ARCN1: variants seen among roughly 807,000 people sequenced by gnomAD.
The protein encoded by ARCN1 is coatomer subunit delta.
In ARCN1, 5 loss-of-function variants were observed where a neutral mutation model predicts 60.4. That is an observed-to-expected ratio of 0.08 (90% CI 0.04 to 0.17). The LOEUF (loss-of-function observed/expected upper bound fraction) is 0.17. Among genes scored for constraint, ARCN1 ranks in the 10% least tolerant of loss-of-function variants. The probability of loss-of-function intolerance (pLI) is 1.00; values close to 1 mark genes in which losing one functional copy is unlikely to be tolerated. For missense variants in ARCN1, 464 were observed against 626.5 expected (o/e 0.74, Z 2.77); for synonymous variants, 224 against 220.0 (o/e 1.02, Z -0.16).
intron 8 of ARCN1, among the ~76,000 whole-genome samples, chr11:118,597,280 C>T (rs918013502): frequency 6.6e-6 from 1 of 152,186 alleles, no homozygotes; most frequent in Admixed American, 6.5e-5. Flanking sequence ...TTAGAGTTTT[C>T]CCCCACTATT....
intron 1 of ARCN1, among the ~76,000 whole-genome samples, chr11:118,573,467 TCTTC>T: frequency 6.6e-6 from 1 of 152,252 alleles, no homozygotes; most frequent in East Asian, 1.9e-4. Flanking sequence ...CATCACTCAA[TCTTC>T]CTTTATCGCT....
chr11:118,589,917 T>G (rs558101893), intron 5 of ARCN1, among the ~76,000 whole-genome samples: 2 of 152,228 alleles, frequency 1.3e-5, no homozygotes, highest in Non-Finnish European at 2.9e-5. Flanking sequence ...AGTAGCACCT[T>G]TAAAAAAACG....
intron 1 of ARCN1, 72 bp downstream of exon 1, chr11:118,572,622 G>A (rs751403232): frequency 2.6e-6 from 4 of 1,565,736 alleles, no homozygotes; most frequent in Non-Finnish European, 3.5e-6. Flanking sequence ...CGGGCCTGGG[G>A]CAGGGGCCGG....
chr11:118,584,732 T>C, intron 5 of ARCN1, 88 bp downstream of exon 5: 1 of 1,161,540 alleles, frequency 8.6e-7, no homozygotes. Context: ...CTATAAATTC[T>C]TTCTCTGTCT....
chr11:118,581,332 G>A lies in ARCN1; in HGVS notation c.90G>A (p.Glu30=). ...QFVEMTRTRI[E]GLLAAFPKLM... is the part of the protein sequence containing the mutation. The stretch of plus-strand genomic sequence containing the variant: ...TGGAAATGACCCGAACTCGGATTGA[G>A]GGCTTATTAGCAGCTTTTCCAAAGC... The change falls in exon 2 of 10, where the codon GAG becomes GAA. Residue 30 remains glutamate, a synonymous_variant. Transcript: ENST00000264028. 1.2e-6 allele frequency: 2 copies of A among 1,614,194 alleles called. No individual in the cohort carries two copies. The highest frequency in any genetic ancestry group is 1.7e-6 in the Non-Finnish European group (2 of 1,180,034).
At position 118,581,581 on chromosome 11, in the gene ARCN1, A is replaced by G. The variant is rs549252303; in HGVS notation, c.267+72A>G. ...TTATGTGAAACTAGTTTTTCCTCCA[A>G]AGCAGCTGATGCTAACCAGTTTGCA... is the stretch of plus-strand genomic sequence containing the variant. On this transcript the variant is annotated intron_variant, in intron 2 of 9. Transcript: ENST00000264028. The G allele has an allele frequency of 2.5e-5, 38 of 1,506,684 alleles. No individual in the cohort carries two copies. The South Asian group carries it at 4.4e-4, about 17-fold the overall frequency. The allele number at this position is 1,506,684 out of a possible 1,614,324, so 93.3% of individuals were successfully genotyped here. A position where few individuals can be genotyped will look rare whatever the true frequency, so the allele number is the denominator to read the frequency against.
intron 8 of ARCN1, among the ~76,000 whole-genome samples, chr11:118,596,753 G>A (rs558433569): frequency 1.3e-5 from 2 of 152,298 alleles, no homozygotes; most frequent in African/African-American, 4.8e-5. Context: ...TTCTCTCGCA[G>A]ATTAAGGACA....
chr11:118,593,090 GTCT>G (rs1293712992), intron 7 of ARCN1, among the ~76,000 whole-genome samples: 4 of 152,118 alleles, frequency 2.6e-5, no homozygotes, highest in Non-Finnish European at 5.9e-5. Flanking sequence ...TAGAGACAAG[GTCT>G]TCTTCTGTTG....
At chr11:118,575,502 A>G (rs1342694906) in intron 1 of ARCN1, among the ~76,000 whole-genome samples, 12 of 151,980 alleles carry the variant, frequency 7.9e-5, no homozygotes, top group African/African-American at 2.9e-4. Context: ...CTCACTGAGT[A>G]AATTACTTTT....
chr11:118,601,613 G>T lies in ARCN1; in HGVS notation c.*899G>T, dbSNP rs1488625878. ...ACTATTCAGGTGAACTATTTGAGGG[G>T]TATGGGGTCTAGAAGTTAAAAGATA... On this transcript the variant is annotated 3_prime_UTR_variant, in exon 10 of 10. Coordinates refer to ENST00000264028, the MANE Select transcript of ARCN1 (RefSeq NM_001655.5). 1.4e-6 allele frequency: 1 copy of T among 702,870 alleles called. No homozygotes were observed. The highest frequency in any genetic ancestry group is 1.5e-5 in the South Asian group (1 of 67,592). The allele number at this position is 702,870 out of a possible 1,614,324, so 43.5% of individuals were successfully genotyped here. A position where few individuals can be genotyped will look rare whatever the true frequency, so the allele number is the denominator to read the frequency against.
At chr11:118,596,893 T>C (rs1304498767) in intron 8 of ARCN1, among the ~76,000 whole-genome samples, 1 of 152,186 alleles carries the variant, frequency 6.6e-6, no homozygotes, top group African/African-American at 2.4e-5. Context: ...TTCAATAAGT[T>C]TGAAACATTC....
rs1161304214 is a variant in ARCN1, at chr11:118,581,933, G to GACACACACACACACACACACACAC, written c.267+427_267+428insCACACACACACACACACACACACA. 6.1e-5 allele frequency among the ~76,000 whole-genome samples: 8 copies of GACACACACACACACACACACACAC among 132,224 alleles called. No individual in the cohort carries two copies. The South Asian group carries it at 9.4e-4, about 15-fold the overall frequency. 86.7% of individuals were successfully genotyped at this position (132,224 alleles called of 152,430 possible). On this transcript the variant is annotated intron_variant, in intron 2 of 9. Transcript: ENST00000264028. ...TTACTGATCCAGAGACAGACAGACA[G>GACACACACACACACACACACACAC]ACAGACACACACACACACACACACA...
rs1938701892 is a variant in ARCN1, at chr11:118,583,307, C to T, written c.396C>T (p.Thr132=). Residue 132 remains threonine (T), a synonymous_variant, in exon 3 of 10, where the codon ACC becomes ACT. Transcript: ENST00000264028. ...RENVNLAQIR[T]FTEMDSHEEK... ...ATGTTAACTTGGCACAGATCAGAACCTTCACAGAAATGGATTCTCATGAGG... is the reference window on the plus strand; with the variant it reads ...ATGTTAACTTGGCACAGATCAGAACTTTCACAGAAATGGATTCTCATGAGG... 5 of 1,614,022 alleles carry T rather than the reference C, an allele frequency of 3.1e-6. No individual in the cohort carries two copies. The South Asian group carries it at 5.5e-5, about 18-fold the overall frequency.
rs1179195532 is a variant in ARCN1 at position 118,581,929 on chromosome 11, G to GACAC, written c.267+423_267+424insCACA. Among the ~76,000 whole-genome samples, 648 of 132,368 alleles carry GACAC rather than the reference G, an allele frequency of 4.9e-3. 9 individuals carry two copies. Among genetic ancestry groups the GACAC allele is most frequent in the Middle Eastern group, 0.022 (6 of 278 alleles). The allele number at this position is 132,368 out of a possible 152,430, so 86.8% of individuals were successfully genotyped here. ...AGACTTACTGATCCAGAGACAGACA[G>GACAC]ACAGACAGACACACACACACACACA... On this transcript the variant is annotated intron_variant, in intron 2 of 9. Coordinates refer to ENST00000264028, the MANE Select transcript of ARCN1 (RefSeq NM_001655.5).
chr11:118,572,776 C>T (rs574042515), intron 1 of ARCN1: 10 of 489,468 alleles, frequency 2.0e-5, no homozygotes, highest in African/African-American at 4.0e-5. Context: ...GCACCACCCC[C>T]CAACCAGCTG....
chr11:118,591,871 AC>A (rs1347820266), intron 6 of ARCN1, among the ~76,000 whole-genome samples: 2 of 151,390 alleles, frequency 1.3e-5, no homozygotes, highest in Non-Finnish European at 2.9e-5. Flanking sequence ...AGTAGCTGGA[AC>A]TATAGGTGTG....
chr11:118,577,944 C>T (rs1238172650), intron 1 of ARCN1, among the ~76,000 whole-genome samples: 4 of 151,992 alleles, frequency 2.6e-5, no homozygotes, highest in African/African-American at 9.7e-5. Flanking sequence ...TGACTTGAGG[C>T]CAGGAGTTGG....
Position 118,601,555 on chromosome 11 carries a change from A to G in ARCN1, c.*841A>G. On this transcript the variant is annotated 3_prime_UTR_variant, in exon 10 of 10. Transcript: ENST00000264028. ...CATTATATTTATTTGGCACTCCTGG[A>G]ACAAGTATATCTAACCCATTCTTGA... 1 of 684,318 alleles carries G rather than the reference A, an allele frequency of 1.5e-6. No homozygotes were observed. Among genetic ancestry groups the G allele is most frequent in the South Asian group, 1.5e-5 (1 of 64,738 alleles). The allele number at this position is 684,318 out of a possible 1,614,324, so 42.4% of individuals were successfully genotyped here.
chr11:118,577,684 T>C lies in ARCN1; in HGVS notation c.4-3562T>C, dbSNP rs548070931. On this transcript the variant is annotated intron_variant, in intron 1 of 9. Coordinates refer to ENST00000264028, the MANE Select transcript of ARCN1 (RefSeq NM_001655.5). ...GCCTCATATTACAGTTATTTGTGTT[T>C]GTGTCTTATCCCTATTAAGCTTCTT... 3.3e-5 allele frequency among the ~76,000 whole-genome samples: 5 copies of C among 152,328 alleles called. No individual in the cohort carries two copies. In the South Asian group the frequency reaches 1.0e-3, roughly 32 times the overall value.
Sources: allele counts gnomAD v4.1 joint callset (sites outside exome capture counted in the v4.1 genomes callset), GRCh38; gene constraint gnomAD v4.1.1; transcripts MANE v1.5; gene names NCBI Gene and HGNC (gene_info 2026-07-23, HGNC 2026-07-21).